Variants in GCLC observed in about 807,000 individuals in gnomAD.
GCLC encodes glutamate-cysteine ligase catalytic subunit.
GCLC carries 30 observed loss-of-function variants against 81.5 expected under a neutral mutation model. That is an observed-to-expected ratio of 0.37 (90% CI 0.28 to 0.50). The LOEUF is 0.50. GCLC is among the 20% of genes least tolerant of loss of function. GCLC has a pLI of 0.96. For synonymous variants in GCLC, 262 were observed against 273.3 expected (o/e 0.96, Z 0.41); for missense variants, 556 against 777.4 (o/e 0.72, Z 3.39).
intron 1 of GCLC, chr6:53,522,898 A>G: frequency 8.2e-6 from 2 of 245,330 alleles, no homozygotes; most frequent in Admixed American, 5.1e-5. Flanking sequence ...TTGGCTTACT[A>G]TAAGTTTAAG....
At chr6:53,501,781 ATT>A (rs899503470) in intron 12 of GCLC, among the ~76,000 whole-genome samples, 2 of 152,198 alleles carry the variant, frequency 1.3e-5, no homozygotes, top group East Asian at 1.9e-4. Flanking sequence ...CATTATTAAT[ATT>A]TGTTTCTTTT....
chr6:53,519,310 G>A (rs985012992), intron 3 of GCLC, among the ~76,000 whole-genome samples: 12 of 151,776 alleles, frequency 7.9e-5, no homozygotes, highest in East Asian at 1.9e-4. Flanking sequence ...GGAAGTCCCC[G>A]CTTGTTTGGT....
At chr6:53,517,275 T>C (rs1279490113) in intron 3 of GCLC, among the ~76,000 whole-genome samples, 1 of 122,932 alleles carries the variant, frequency 8.1e-6, no homozygotes, top group Admixed American at 8.0e-5. Context: ...TTTTTTTTTT[T>C]TTCCAGGGAC....
intron 1 of GCLC, among the ~76,000 whole-genome samples, chr6:53,531,748 T>C (rs775768655): frequency 1.3e-5 from 2 of 152,178 alleles, no homozygotes; most frequent in African/African-American, 4.8e-5. Context: ...ACACTGTAAC[T>C]CCTTCCCCTT....
chr6:53,522,533 G>A lies in GCLC; in HGVS notation c.151-6C>T. 3 of 1,527,018 alleles carry A rather than the reference G, an allele frequency of 2.0e-6. No individual in the cohort carries two copies. The South Asian group carries it at 3.4e-5, about 17-fold the overall frequency. The allele number at this position is 1,527,018 out of a possible 1,614,324, so 94.6% of individuals were successfully genotyped here. A position where few individuals can be genotyped will look rare whatever the true frequency, so the allele number is the denominator to read the frequency against. On this transcript the variant is annotated splice_polypyrimidine_tract_variant and splice_region_variant and intron_variant, in intron 1 of 15. Transcript: ENST00000650454. ...GATACCAACATGTATTCCACCTATT[G>A]AAAATAAAGGTGAGAAAAATTAACA... is the stretch of plus-strand genomic sequence containing the variant.
intron 1 of GCLC, among the ~76,000 whole-genome samples, chr6:53,531,700 C>A (rs779643115): frequency 6.6e-6 from 1 of 151,950 alleles, no homozygotes; most frequent in Non-Finnish European, 1.5e-5. Context: ...TGCTTCAAGT[C>A]AAGTGCCACT....
intron 1 of GCLC, among the ~76,000 whole-genome samples, chr6:53,526,747 G>C (rs374860201): frequency 6.8e-6 from 1 of 147,160 alleles, no homozygotes; most frequent in Admixed American, 6.8e-5. Context: ...GCAGTGAGCC[G>C]AGATCGCGGC....
chr6:53,521,368 TGGTCTTG>T (rs935218990), intron 2 of GCLC, among the ~76,000 whole-genome samples: 1 of 152,158 alleles, frequency 6.6e-6, no homozygotes, highest in South Asian at 2.1e-4. Context: ...TTAGCCAGGC[TGGTCTTG>T]AACTCCTGGC....
In GCLC at chr6:53,544,741, G is replaced by A; in HGVS notation, c.-96C>T. The stretch of plus-strand genomic sequence containing the variant: ...ACTCAGCCGCCCGCAGAAGGCGGCT[G>A]CCGCTCCACCCCGCGGGGGCGCTCT... On this transcript the variant is annotated 5_prime_UTR_variant, in exon 1 of 16. Transcript: ENST00000650454. 1 of 1,252,884 alleles carries A rather than the reference G, an allele frequency of 8.0e-7. No individual in the cohort carries two copies. The highest frequency in any genetic ancestry group is 1.1e-6 in the Non-Finnish European group (1 of 924,492). 77.6% of individuals were successfully genotyped at this position (1,252,884 alleles called of 1,614,324 possible). A position where few individuals can be genotyped will look rare whatever the true frequency, so the allele number is the denominator to read the frequency against.
chr6:53,529,303 G>A (rs2127628006), intron 1 of GCLC, among the ~76,000 whole-genome samples: 1 of 152,236 alleles, frequency 6.6e-6, no homozygotes, highest in Admixed American at 6.5e-5. Context: ...CATTTTCTGG[G>A]CCTCTGAATT....
In GCLC at chr6:53,498,496, A is replaced by G; in HGVS notation, c.*260T>C. ...TAGGTTGCTCCAGAGTAAGAATTTA[A>G]AAATGTACAAGCCAGTTCATGATGA... On this transcript the variant is annotated 3_prime_UTR_variant, in exon 16 of 16. Transcript: ENST00000650454. 1 of 457,712 alleles carries G rather than the reference A, an allele frequency of 2.2e-6. No individual in the cohort carries two copies. Among genetic ancestry groups the G allele is most frequent in the South Asian group, 2.6e-5 (1 of 39,192 alleles). 28.4% of individuals were successfully genotyped at this position (457,712 alleles called of 1,614,324 possible).
chr6:53,522,893 T>A (rs1362860974), intron 1 of GCLC: 3 of 241,878 alleles, frequency 1.2e-5, no homozygotes, highest in Non-Finnish European at 2.4e-5. Flanking sequence ...CTCAGTTGGC[T>A]TACTATAAGT....
intron 15 of GCLC, 53 bp downstream of exon 15, chr6:53,499,992 A>G (rs1217961700): frequency 7.6e-7 from 1 of 1,311,326 alleles, no homozygotes; most frequent in East Asian, 2.3e-5. Flanking sequence ...TGAACATTCT[A>G]AGATTATACC....
intron 1 of GCLC, among the ~76,000 whole-genome samples, chr6:53,529,215 A>C (rs1298659038): frequency 2.6e-5 from 4 of 152,250 alleles, no homozygotes; most frequent in Admixed American, 2.6e-4. Context: ...TGACCTGGAC[A>C]CACTAATTCA....
At chr6:53,520,410 G>A (rs1762970402) in intron 3 of GCLC, among the ~76,000 whole-genome samples, 1 of 152,208 alleles carries the variant, frequency 6.6e-6, no homozygotes, top group Non-Finnish European at 1.5e-5. Context: ...GTCACCAGGG[G>A]ACAGCATTCC....
In GCLC at chr6:53,505,137, T is replaced by C. The variant is rs17881205; in HGVS notation, c.1395+255A>G. ...CCCTCCCCATCCTAATTTAACATTG[T>C]AATCAACCTGGGATTTTGTGGTGGA... On this transcript the variant is annotated intron_variant, in intron 12 of 15. Coordinates refer to ENST00000650454, the MANE Select transcript of GCLC (RefSeq NM_001498.4). The C allele has an allele frequency of 3.4e-3, 1,530 of 444,666 alleles. 15 individuals are homozygous for C. The highest frequency in any genetic ancestry group is 0.025 in the African/African-American group (1,242 of 50,318). The allele number at this position is 444,666 out of a possible 1,614,324, so 27.5% of individuals were successfully genotyped here.
intron 1 of GCLC, among the ~76,000 whole-genome samples, chr6:53,537,184 A>G (rs1763270449): frequency 6.6e-6 from 1 of 152,204 alleles, no homozygotes; most frequent in Non-Finnish European, 1.5e-5. Flanking sequence ...TGGTGTCTGA[A>G]GGAAAACCAG....
intron 6 of GCLC, 134 bp from the exon 7 acceptor site, chr6:53,509,384 A>G: frequency 1.4e-6 from 1 of 698,996 alleles, no homozygotes; most frequent in South Asian, 1.5e-5. Flanking sequence ...CATTTAACGC[A>G]AGAGTTTTGT....
At chr6:53,528,252 T>G (rs1474215898) in intron 1 of GCLC, among the ~76,000 whole-genome samples, 1 of 152,130 alleles carries the variant, frequency 6.6e-6, no homozygotes, top group Non-Finnish European at 1.5e-5. Context: ...TGTAATAAAA[T>G]TACATATGGC....
Sources: allele counts gnomAD v4.1 joint callset (sites outside exome capture counted in the v4.1 genomes callset), GRCh38; gene constraint gnomAD v4.1.1; transcripts MANE v1.5; gene names NCBI Gene and HGNC (gene_info 2026-07-23, HGNC 2026-07-21).